The following MMP26 variants were observed in gnomAD, a reference collection of about 807,000 sequenced individuals.
MMP26 encodes the protein matrix metallopeptidase 26.
In MMP26, 33 loss-of-function variants were observed where a neutral mutation model predicts 31.0. The observed-to-expected ratio is 1.06, with a 90% confidence interval of 0.81 to 1.42. The LOEUF (loss-of-function observed/expected upper bound fraction) is 1.42, where lower values mean the gene tolerates loss of function less well. MMP26 is among the 40% of genes most tolerant of loss of function. The pLI is 0.00. For synonymous variants in MMP26, 122 were observed against 114.9 expected (o/e 1.06, Z -0.40); for missense variants, 347 against 316.1 (o/e 1.10, Z -0.74).
At chr11:4,929,331 C>A (rs184007082) in intron 2 of MMP26, among the ~76,000 whole-genome samples, 14 of 152,134 alleles carry the variant, frequency 9.2e-5, no homozygotes, top group Middle Eastern at 3.4e-3. Flanking sequence ...TTCAAACTTA[C>A]TCTATTTCTG....
chr11:4,710,082 C>G (rs181476765), intron 1 of MMP26: 1 of 456,802 alleles, frequency 2.2e-6, no homozygotes, highest in Non-Finnish European at 4.4e-6. Context: ...CTCCTTCTGC[C>G]GTAGTCATGT....
chr11:4,964,756 T>C (rs1564816193), intron 2 of MMP26, among the ~76,000 whole-genome samples: 1 of 152,142 alleles, frequency 6.6e-6, no homozygotes, highest in Admixed American at 6.6e-5. Context: ...AATGAGATCA[T>C]GTCCTTCGCA....
intron 2 of MMP26, chr11:4,923,720 C>A: frequency 6.2e-7 from 1 of 1,614,046 alleles, no homozygotes; most frequent in Non-Finnish European, 8.5e-7. Context: ...ACCCACGGTG[C>A]AGGCCACAAC....
rs372124851 is a variant in MMP26, at chr11:4,991,478, T to C, written c.577T>C (p.Trp193Arg). The C allele has an allele frequency of 1.7e-5, 27 of 1,613,846 alleles. No individual in the cohort carries two copies. In the African/African-American group the frequency reaches 3.3e-4, roughly 20 times the overall value. Reference sequence around the variant, plus strand: ...TGTCCATTTTGACAAGAATGAACACTGGTCAGCTTCAGACACTGGTAAATG... The same window carrying C: ...TGTCCATTTTGACAAGAATGAACACCGGTCAGCTTCAGACACTGGTAAATG... ...GVVHFDKNEH[W>R]SASDTGYNLF... The change falls in exon 6 of 8, where the codon TGG becomes CGG. Residue 193 changes from tryptophan to arginine, a missense_variant. By Grantham distance (101) the Trp-to-Arg change is moderately radical. Coordinates refer to ENST00000380390, the MANE Select transcript of MMP26 (RefSeq NM_021801.5).
rs765180447 is a variant in MMP26, at chr11:4,821,975, A to T, written c.-145+54634A>T. ...TCACATTCTTACTGCTACCATGTTG[A>T]TCTCATCCAACTCTCCTGCACAGAC... On this transcript the variant is annotated intron_variant, in intron 2 of 7. Transcript: ENST00000380390. 5 of 1,613,866 alleles carry T rather than the reference A, an allele frequency of 3.1e-6. No homozygotes were observed. The African/African-American group carries it at 5.3e-5, about 17-fold the overall frequency.
chr11:4,850,672 C>T (rs1849962564), intron 2 of MMP26, among the ~76,000 whole-genome samples: 1 of 151,824 alleles, frequency 6.6e-6, no homozygotes, highest in South Asian at 2.1e-4. Context: ...TAACCCTAAA[C>T]ATTTATTACA....
intron 2 of MMP26, chr11:4,907,901 T>C: frequency 6.2e-7 from 1 of 1,614,102 alleles, no homozygotes; most frequent in Non-Finnish European, 8.5e-7. Context: ...TTCTCACTCA[T>C]ACTGTCTTCA....
intron 2 of MMP26, among the ~76,000 whole-genome samples, chr11:4,906,024 T>A (rs1454547919): frequency 6.6e-6 from 1 of 152,168 alleles, no homozygotes; most frequent in Non-Finnish European, 1.5e-5. Flanking sequence ...AATACAGAGA[T>A]ATAAGATTAA....
intron 2 of MMP26, chr11:4,908,059 G>A: frequency 6.2e-7 from 1 of 1,614,092 alleles, no homozygotes; most frequent in Non-Finnish European, 8.5e-7. Flanking sequence ...TTGCATCTTT[G>A]GCAGAGAGGC....
At chr11:4,987,887 T>C (rs1846929250) in intron 2 of MMP26, among the ~76,000 whole-genome samples, 181 bp from the exon 3 acceptor site, 1 of 152,276 alleles carries the variant, frequency 6.6e-6, no homozygotes, top group East Asian at 1.9e-4. Flanking sequence ...ACACCTCCTG[T>C]TTCTTGTTTT....
At chr11:4,792,952 G>T (rs547297374) in intron 2 of MMP26, among the ~76,000 whole-genome samples, 1 of 151,972 alleles carries the variant, frequency 6.6e-6, no homozygotes. Flanking sequence ...ATTCTCTTAC[G>T]TTTGTATCAG....
intron 1 of MMP26, among the ~76,000 whole-genome samples, chr11:4,764,613 G>C (rs1848605225): frequency 6.6e-6 from 1 of 152,230 alleles, no homozygotes; most frequent in South Asian, 2.1e-4. Flanking sequence ...GTTCACGCCT[G>C]TAATCCCAGC....
chr11:4,783,744 AG>A (rs1848897066), intron 2 of MMP26, among the ~76,000 whole-genome samples: 1 of 152,180 alleles, frequency 6.6e-6, no homozygotes, highest in Admixed American at 6.5e-5. Flanking sequence ...TTATGGGGAC[AG>A]GTCTTTCCAT....
intron 2 of MMP26, among the ~76,000 whole-genome samples, chr11:4,816,969 C>G (rs1047182172): frequency 1.3e-5 from 2 of 151,008 alleles, no homozygotes; most frequent in Non-Finnish European, 3.0e-5. Context: ...CTCGGCCTCC[C>G]AAAGTGGGGT....
In MMP26 at chr11:4,746,835, A is replaced by T. The variant is rs1487967907; in HGVS notation, c.-216-20435A>T. 1.1e-4 allele frequency among the ~76,000 whole-genome samples: 9 copies of T among 79,884 alleles called. 1 individual carries two copies. The highest frequency in any genetic ancestry group is 9.1e-4 in the Admixed American group (7 of 7,702). 52.4% of individuals were successfully genotyped at this position (79,884 alleles called of 152,430 possible). A position where few individuals can be genotyped will look rare whatever the true frequency, so the allele number is the denominator to read the frequency against. ...GGCAACAAGAGTAAGTCTCTGTCAC[A>T]CACACACACACACACACACACACAC... On this transcript the variant is annotated intron_variant, in intron 1 of 7. Coordinates refer to ENST00000380390, the MANE Select transcript of MMP26 (RefSeq NM_021801.5).
chr11:4,870,418 T>C (rs376413226), intron 2 of MMP26, among the ~76,000 whole-genome samples: 19 of 152,158 alleles, frequency 1.2e-4, no homozygotes, highest in African/African-American at 3.1e-4. Context: ...TAAAAGAAAA[T>C]GGGGCTACAG....
intron 2 of MMP26, among the ~76,000 whole-genome samples, chr11:4,900,635 G>C (rs1850786687): frequency 6.6e-6 from 1 of 152,108 alleles, no homozygotes; most frequent in African/African-American, 2.4e-5. Flanking sequence ...GTTCTTTATA[G>C]CTTAGGTTCT....
At chr11:4,972,424 T>A (rs888488121) in intron 2 of MMP26, among the ~76,000 whole-genome samples, 1 of 152,238 alleles carries the variant, frequency 6.6e-6, no homozygotes, top group South Asian at 2.1e-4. Context: ...AAATAAAGCA[T>A]TGTTTATTTT....
intron 1 of MMP26, among the ~76,000 whole-genome samples, chr11:4,729,108 C>A (rs1472002760): frequency 6.6e-6 from 1 of 151,602 alleles, no homozygotes; most frequent in African/African-American, 2.4e-5. Context: ...AAATATTTTT[C>A]ATTAAATATT....
Sources: allele counts gnomAD v4.1 joint callset (sites outside exome capture counted in the v4.1 genomes callset), GRCh38; gene constraint gnomAD v4.1.1; transcripts MANE v1.5; gene names NCBI Gene and HGNC (gene_info 2026-07-23, HGNC 2026-07-21).